The following TRPC7 variants were observed in gnomAD, a reference collection of about 807,000 sequenced individuals.
TRPC7 encodes transient receptor potential cation channel subfamily C member 7, also known as short transient receptor potential channel 7.
Under a neutral mutation model 90.1 loss-of-function variants are expected in TRPC7, and 42 were observed. That is an observed-to-expected ratio of 0.47 (90% confidence interval 0.36 to 0.60). The LOEUF (loss-of-function observed/expected upper bound fraction) is 0.60. Ranked by LOEUF, TRPC7 falls within the 20% of genes least tolerant of loss-of-function variation. TRPC7 has a pLI of 0.00. For synonymous variants in TRPC7, 451 were observed against 436.3 expected, an observed-to-expected ratio of 1.03 and a Z score of -0.42; for missense variants, 955 against 1,112.3, an observed-to-expected ratio of 0.86 and a Z score of 2.01.
rs539572215 is a variant in TRPC7, at chr5:136,333,249, A to G, written c.781-17470T>C. Among the ~76,000 whole-genome samples the G allele has an allele frequency of 3.9e-5, 6 of 152,224 alleles. No homozygotes were observed. The South Asian group carries it at 1.2e-3, about 32-fold the overall frequency. ...TGCTCAGGGATGTTGCCCCAGAGGTAATAAGTTGTTGCTGAGTCTGAAGGC... is the reference window on the plus strand; with the variant it reads ...TGCTCAGGGATGTTGCCCCAGAGGTGATAAGTTGTTGCTGAGTCTGAAGGC... On this transcript the variant is annotated intron_variant, in intron 2 of 11. Transcript: ENST00000513104.
Position 136,274,665 on chromosome 5 carries a change from G to T in TRPC7, c.1128+8C>A. The T allele has an allele frequency of 6.2e-7, 1 of 1,611,348 alleles. No homozygotes were observed. Among genetic ancestry groups the T allele is most frequent in the Non-Finnish European group, 8.5e-7 (1 of 1,179,078 alleles). ...CCGCAAACGACATGCACCTTAAGCA[G>T]TCTGTACCTTGCTGCACGGAGCAAT... On this transcript the variant is annotated splice_region_variant and intron_variant, in intron 4 of 11. Transcript: ENST00000513104.
intron 7 of TRPC7, among the ~76,000 whole-genome samples, chr5:136,232,908 A>G (rs1046944114): frequency 6.6e-6 from 1 of 152,110 alleles, no homozygotes; most frequent in Non-Finnish European, 1.5e-5. Context: ...ACACTCACCC[A>G]CAAATGGCCA....
In TRPC7 at chr5:136,266,205, G is replaced by A. The variant is rs374788676; in HGVS notation, c.1345+15C>T. On this transcript the variant is annotated intron_variant, in intron 5 of 11. Transcript: ENST00000513104. ...AATTAGCAAGGAGAGAATAAAAATA[G>A]AGTGACTTGCTTACCTAAGACCCAC... The A allele has an allele frequency of 6.4e-5, 103 of 1,600,864 alleles. No individual in the cohort carries two copies. The highest frequency in any genetic ancestry group is 7.9e-5 in the Non-Finnish European group (92 of 1,168,152).
chr5:136,345,421 C>A (rs144093285), intron 2 of TRPC7, among the ~76,000 whole-genome samples: 52 of 152,060 alleles, frequency 3.4e-4, no homozygotes, highest in African/African-American at 1.2e-3. Flanking sequence ...AAAATACGGG[C>A]GTGGTGGCAG....
intron 4 of TRPC7, among the ~76,000 whole-genome samples, chr5:136,268,116 T>C (rs1438161460): frequency 6.6e-6 from 1 of 152,216 alleles, no homozygotes; most frequent in Non-Finnish European, 1.5e-5. Context: ...ATTTATATGA[T>C]ATTAAATAGC....
At chr5:136,309,642 A>G (rs1348932988) in intron 3 of TRPC7, among the ~76,000 whole-genome samples, 1 of 152,198 alleles carries the variant, frequency 6.6e-6, no homozygotes, top group South Asian at 2.1e-4. Context: ...AAAGCACACA[A>G]TTGCTGGAGT....
chr5:136,257,773 T>G (rs980667974), intron 5 of TRPC7, among the ~76,000 whole-genome samples: 2 of 152,220 alleles, frequency 1.3e-5, no homozygotes, highest in African/African-American at 4.8e-5. Context: ...GCAACCGGTA[T>G]TTTTTAAATG....
chr5:136,342,333 A>T (rs1339628426), intron 2 of TRPC7, among the ~76,000 whole-genome samples: 1 of 152,200 alleles, frequency 6.6e-6, no homozygotes, highest in Non-Finnish European at 1.5e-5. Flanking sequence ...AGGGATCTGT[A>T]TTCAGTTCTG....
intron 2 of TRPC7, among the ~76,000 whole-genome samples, chr5:136,344,599 A>T (rs1485565403): frequency 1.3e-5 from 2 of 152,252 alleles, no homozygotes; most frequent in Non-Finnish European, 2.9e-5. Flanking sequence ...GGCAAACATT[A>T]GACAGCAGCA....
At chr5:136,221,456 G>A (rs910684120) in intron 10 of TRPC7, among the ~76,000 whole-genome samples, 6 of 152,194 alleles carry the variant, frequency 3.9e-5, no homozygotes, top group Admixed American at 2.0e-4. Flanking sequence ...GCCTCTGGCC[G>A]CTGATGGTGA....
intron 3 of TRPC7, among the ~76,000 whole-genome samples, chr5:136,283,395 C>T (rs1486901891): frequency 6.6e-6 from 1 of 152,222 alleles, no homozygotes; most frequent in African/African-American, 2.4e-5. Context: ...TCTAAAAGGG[C>T]AGTCCCCCAG....
intron 2 of TRPC7, among the ~76,000 whole-genome samples, chr5:136,325,663 C>T (rs1759323447): frequency 1.3e-5 from 2 of 152,100 alleles, no homozygotes; most frequent in African/African-American, 4.8e-5. Flanking sequence ...CCAATTCATG[C>T]TGAATCAAGG....
intron 5 of TRPC7, among the ~76,000 whole-genome samples, chr5:136,263,521 G>A (rs2149811022): frequency 6.6e-6 from 1 of 152,342 alleles, no homozygotes; most frequent in African/African-American, 2.4e-5. Context: ...AAATGATGGA[G>A]TTAGGAGTCA....
At chr5:136,280,250 AC>A (rs746075331) in intron 3 of TRPC7, among the ~76,000 whole-genome samples, 1 of 152,154 alleles carries the variant, frequency 6.6e-6, no homozygotes, top group Non-Finnish European at 1.5e-5. Flanking sequence ...CATCTTGGAC[AC>A]CTATGGGTCT....
chr5:136,266,506 C>T (rs535882597), intron 4 of TRPC7, 70 bp from the exon 5 acceptor site: 25 of 1,346,056 alleles, frequency 1.9e-5, no homozygotes, highest in East Asian at 1.5e-4. Flanking sequence ...TTTATAACAT[C>T]GCTTTCACCA....
chr5:136,335,289 C>A (rs1359951041), intron 2 of TRPC7, among the ~76,000 whole-genome samples: 1 of 152,074 alleles, frequency 6.6e-6, no homozygotes. Context: ...ATTTCAAAAT[C>A]TGCAAGCTGA....
chr5:136,334,332 G>T (rs964745600), intron 2 of TRPC7, among the ~76,000 whole-genome samples: 2 of 152,196 alleles, frequency 1.3e-5, no homozygotes, highest in African/African-American at 4.8e-5. Flanking sequence ...AAATGCTATT[G>T]ATTAAGATGG....
intron 2 of TRPC7, among the ~76,000 whole-genome samples, chr5:136,316,353 G>GAA (rs898455407): frequency 6.6e-6 from 1 of 150,788 alleles, no homozygotes; most frequent in African/African-American, 2.4e-5. Flanking sequence ...GCTAAAATTG[G>GAA]AAAAAAAAAT....
intron 5 of TRPC7, among the ~76,000 whole-genome samples, chr5:136,252,867 G>C (rs1756566956): frequency 6.6e-6 from 1 of 152,224 alleles, no homozygotes; most frequent in East Asian, 1.9e-4. Context: ...GCCACAGACT[G>C]GTACCAGTTG....
Sources: gnomAD v4.1 joint callset for allele counts (sites outside exome capture counted in the v4.1 genomes callset) on GRCh38, gnomAD v4.1.1 for gene constraint, MANE v1.5 for transcripts, NCBI Gene and HGNC (gene_info 2026-07-23, HGNC 2026-07-21) for gene names.